The following LRPPRC variants were observed in gnomAD, a reference collection of about 807,000 sequenced individuals.
The protein encoded by LRPPRC is leucine rich pentatricopeptide repeat containing.
In LRPPRC, 120 loss-of-function variants were observed where a neutral mutation model predicts 180.3. The observed-to-expected ratio is 0.67, with a 90% CI of 0.57 to 0.77. The LOEUF (loss-of-function observed/expected upper bound fraction) is 0.77. Among genes scored for constraint, LRPPRC ranks in the 30% least tolerant of loss-of-function variants. The probability of loss-of-function intolerance (pLI) is 0.00; values close to 1 mark genes in which losing one functional copy is unlikely to be tolerated. For synonymous variants in LRPPRC, 723 were observed against 600.0 expected (o/e 1.21, Z -3.00); for missense variants, 2,012 against 1,657.2 (o/e 1.21, Z -3.72).
chr2:43,963,882 C>G, intron 11 of LRPPRC, 176 bp from the exon 12 acceptor site: 1 of 623,786 alleles, frequency 1.6e-6, no homozygotes, highest in Non-Finnish European at 2.8e-6. Flanking sequence ...AAAATTAACT[C>G]CTCCTTTCTT....
At chr2:43,926,310 G>A (rs1404355202) in intron 25 of LRPPRC, among the ~76,000 whole-genome samples, 1 of 152,154 alleles carries the variant, frequency 6.6e-6, no homozygotes, top group Non-Finnish European at 1.5e-5. Context: ...TGGTTATACT[G>A]TCTTTAGTTC....
intron 20 of LRPPRC, among the ~76,000 whole-genome samples, chr2:43,946,462 T>C (rs1018640238): frequency 6.6e-6 from 1 of 151,946 alleles, no homozygotes; most frequent in African/African-American, 2.4e-5. Context: ...TTATCTGTAA[T>C]ATAAAATAGG....
chr2:43,936,395 A>T (rs911241657), intron 23 of LRPPRC, among the ~76,000 whole-genome samples: 1 of 152,238 alleles, frequency 6.6e-6, no homozygotes, highest in Non-Finnish European at 1.5e-5. Context: ...AAGGTATTTT[A>T]AAAAGAGGCA....
At chr2:43,916,084 G>A (rs953445299) in intron 29 of LRPPRC, among the ~76,000 whole-genome samples, 4 of 152,000 alleles carry the variant, frequency 2.6e-5, no homozygotes, top group Admixed American at 2.0e-4. Flanking sequence ...AGTTAAGTTA[G>A]GAAATTAAGA....
At chr2:43,954,922 T>C (rs1479599292) in intron 14 of LRPPRC, among the ~76,000 whole-genome samples, 1 of 152,212 alleles carries the variant, frequency 6.6e-6, no homozygotes, top group Non-Finnish European at 1.5e-5. Flanking sequence ...TATGATATAT[T>C]ACTTTTGTTT....
chr2:43,957,611 G>C (rs1256279580), intron 13 of LRPPRC, among the ~76,000 whole-genome samples, 160 bp from the exon 14 acceptor site: 1 of 152,192 alleles, frequency 6.6e-6, no homozygotes, highest in Non-Finnish European at 1.5e-5. Context: ...AGACAATGCA[G>C]TAATATATAT....
chr2:43,912,628 CT>C (rs1307514184), intron 29 of LRPPRC, 70 bp from the exon 30 acceptor site: 1 of 1,421,378 alleles, frequency 7.0e-7, no homozygotes, highest in Non-Finnish European at 9.9e-7. Context: ...GGAAAAAATC[CT>C]GAAACAAAGA....
At position 43,974,620 on chromosome 2, in the gene LRPPRC, T is replaced by C. The variant is rs151186558; in HGVS notation, c.1003A>G (p.Ile335Val). 1.9e-6 allele frequency: 3 copies of C among 1,580,200 alleles called. No homozygotes were observed. The highest frequency in any genetic ancestry group is 2.6e-6 in the Non-Finnish European group (3 of 1,150,086). The change falls in exon 8 of 38, where the codon ATT becomes GTT. Residue 335 changes from isoleucine (I) to valine (V), a missense_variant. By Grantham distance (29) the Ile-to-Val change is conservative. Transcript: ENST00000260665. ...TAGATTTTTTTAAAACTACCTGGAA[T>C]ATATCTTCTTTCACATGTAACTTTT... is the stretch of plus-strand genomic sequence containing the variant. ...LEKVTCERRY[I>V]PDAMNLILLL...
intron 2 of LRPPRC, among the ~76,000 whole-genome samples, chr2:43,980,855 T>G (rs1437655316): frequency 6.6e-6 from 1 of 151,710 alleles, no homozygotes; most frequent in South Asian, 2.1e-4. Context: ...GGATGAGGAG[T>G]TGGGTAATTT....
chr2:43,988,640 T>C (rs1191886307), intron 1 of LRPPRC, among the ~76,000 whole-genome samples: 2 of 152,158 alleles, frequency 1.3e-5, no homozygotes, highest in Admixed American at 6.5e-5. Context: ...TTTTTTGAGA[T>C]GGAGTCTCGC....
At chr2:43,962,334 G>A (rs536536746) in intron 12 of LRPPRC, among the ~76,000 whole-genome samples, 86 of 152,314 alleles carry the variant, frequency 5.6e-4, no homozygotes, top group Admixed American at 3.6e-3. Context: ...CTTAGGGAAA[G>A]AGGTGAAGAC....
rs545182136 is a variant in LRPPRC at position 43,953,088 on chromosome 2, C to T, written c.1650-2488G>A. Among the ~76,000 whole-genome samples, 5 of 152,328 alleles carry T rather than the reference C, an allele frequency of 3.3e-5. No individual in the cohort carries two copies. The East Asian group carries it at 7.7e-4, about 23-fold the overall frequency. On this transcript the variant is annotated intron_variant, in intron 14 of 37. Coordinates refer to ENST00000260665, the MANE Select transcript of LRPPRC (RefSeq NM_133259.4). ...CACTGTTCTCTCAGCCTCAATGCCT[C>T]GGCCTGAAAAACCCTTCCCTTCCCC...
intron 30 of LRPPRC, among the ~76,000 whole-genome samples, chr2:43,910,310 C>A (rs938376877): frequency 6.6e-6 from 1 of 151,824 alleles, no homozygotes; most frequent in Non-Finnish European, 1.5e-5. Context: ...CTTGGGCTCA[C>A]TGCAACCTCT....
chr2:43,949,193 T>C (rs1672806551), intron 16 of LRPPRC, among the ~76,000 whole-genome samples: 1 of 152,168 alleles, frequency 6.6e-6, no homozygotes, highest in Non-Finnish European at 1.5e-5. Context: ...TGAAAATCAT[T>C]AAATGTCAAA....
At chr2:43,956,975 A>G (rs1268646062) in intron 14 of LRPPRC, among the ~76,000 whole-genome samples, 1 of 152,102 alleles carries the variant, frequency 6.6e-6, no homozygotes, top group Non-Finnish European at 1.5e-5. Context: ...TATTTTCAAA[A>G]TAACAAAATT....
chr2:43,921,289 C>CA (rs1250412142), intron 27 of LRPPRC, among the ~76,000 whole-genome samples: 3 of 152,176 alleles, frequency 2.0e-5, no homozygotes, highest in Admixed American at 2.0e-4. Context: ...AACACTAAAA[C>CA]AAATAAGGAC....
chr2:43,905,873 T>C, intron 30 of LRPPRC, 93 bp from the exon 31 acceptor site: 2 of 849,714 alleles, frequency 2.4e-6, no homozygotes, highest in Non-Finnish European at 2.0e-6. Flanking sequence ...TAAAAACTAC[T>C]GTTCGTATGT....
At chr2:43,899,362 T>C (rs1223737022) in intron 33 of LRPPRC, 28 bp from the exon 34 acceptor site, 2 of 1,607,944 alleles carry the variant, frequency 1.2e-6, no homozygotes, top group African/African-American at 2.7e-5. Context: ...AAGAAAAATC[T>C]TTCATTAGAA....
At chr2:43,976,036 T>C in intron 6 of LRPPRC, 107 bp downstream of exon 6, 1 of 687,060 alleles carries the variant, frequency 1.5e-6, no homozygotes, top group Non-Finnish European at 2.6e-6. Context: ...CTACAATAAT[T>C]TTCTCTAATT....
Sources: allele counts gnomAD v4.1 joint callset (sites outside exome capture counted in the v4.1 genomes callset), GRCh38; gene constraint gnomAD v4.1.1; transcripts MANE v1.5; gene names NCBI Gene and HGNC (gene_info 2026-07-23, HGNC 2026-07-21).